Variants in DGKE observed in about 807,000 individuals in gnomAD.
The protein encoded by DGKE is DAG kinase epsilon.
DGKE carries 53 observed loss-of-function variants against 70.0 expected under a neutral mutation model. That is an observed-to-expected ratio of 0.76 (90% confidence interval 0.61 to 0.95). DGKE has a LOEUF of 0.95. Ranked by LOEUF, DGKE falls within the 40% of genes least tolerant of loss-of-function variation. DGKE has a pLI of 0.00. For missense variants in DGKE, 655 were observed against 706.9 expected (o/e 0.93, Z 0.83); for synonymous variants, 291 against 257.0 (o/e 1.13, Z -1.27).
At chr17:56,853,327 C>T (rs910340544) in intron 7 of DGKE, among the ~76,000 whole-genome samples, 1 of 152,114 alleles carries the variant, frequency 6.6e-6, no homozygotes, top group African/African-American at 2.4e-5. Context: ...ACTTTTATTG[C>T]CTATGCTTTT....
chr17:56,859,565 G>A (rs190349166), intron 9 of DGKE, among the ~76,000 whole-genome samples: 17 of 151,180 alleles, frequency 1.1e-4, no homozygotes, highest in African/African-American at 4.1e-4. Flanking sequence ...GATTACAGGC[G>A]CCCACCACTA....
In DGKE at chr17:56,862,843, T is replaced by G. The variant is rs1908377927; in HGVS notation, c.*52T>G. ...TAGAATCCTCACGCAAGTAGATACATGTTCATCCAAAAGTATTAATAGAAA... is the reference window on the plus strand; with the variant it reads ...TAGAATCCTCACGCAAGTAGATACAGGTTCATCCAAAAGTATTAATAGAAA... On this transcript the variant is annotated 3_prime_UTR_variant, in exon 12 of 12. Transcript: ENST00000284061. 7.2e-7 allele frequency: 1 copy of G among 1,380,818 alleles called. No homozygotes were observed. Among genetic ancestry groups the G allele is most frequent in the African/African-American group, 1.5e-5 (1 of 66,900 alleles). 85.5% of individuals were successfully genotyped at this position (1,380,818 alleles called of 1,614,324 possible).
chr17:56,861,850 C>T lies in DGKE; in HGVS notation c.1344C>T (p.Asn448=), dbSNP rs61751971. ...LPSLEGIIVL[N]IGYWGGGCRL... ...GCTTGGAAGGTATTATAGTTCTGAA[C>T]ATCGGATACTGGGGCGGTGGCTGCA... Residue 448 remains asparagine (N), a synonymous_variant, in exon 10 of 12, where the codon AAC becomes AAT. Transcript: ENST00000284061. 247 of 1,613,908 alleles carry T rather than the reference C, an allele frequency of 1.5e-4. 1 individual carries two copies. In the East Asian group the frequency reaches 5.3e-3, roughly 34 times the overall value.
At chr17:56,845,979 T>C (rs567125386) in intron 4 of DGKE, 170 bp downstream of exon 4, 1 of 570,820 alleles carries the variant, frequency 1.8e-6, no homozygotes, top group East Asian at 3.5e-5. Flanking sequence ...GAATATAAAA[T>C]GGTACAACCT....
intron 2 of DGKE, chr17:56,838,838 G>A (rs567047938): frequency 4.6e-5 from 7 of 152,140 alleles, no homozygotes; most frequent in East Asian, 1.9e-4. Flanking sequence ...AAGTATATAC[G>A]TACATTTCAT....
intron 1 of DGKE, 129 bp downstream of exon 1, chr17:56,834,389 C>T: frequency 5.3e-6 from 1 of 188,484 alleles, no homozygotes; most frequent in South Asian, 1.2e-4. Flanking sequence ...AGTGCGAGGC[C>T]TGGGCCGACG....
At position 56,840,655 on chromosome 17, in the gene DGKE, C is replaced by T. The variant is rs560573056; in HGVS notation, c.465-3364C>T. On this transcript the variant is annotated intron_variant, in intron 2 of 11. Coordinates refer to ENST00000284061, the MANE Select transcript of DGKE (RefSeq NM_003647.3). ...TGGCCTCCCAAATCCTGGGATTATA[C>T]GCATGCCCCACTGCGTCCAGCCAAT... Among the ~76,000 whole-genome samples, 6 of 152,290 alleles carry T rather than the reference C, an allele frequency of 3.9e-5. No homozygotes were observed. In the East Asian group the frequency reaches 9.7e-4, roughly 25 times the overall value.
chr17:56,839,273 C>T (rs984452091), intron 2 of DGKE, among the ~76,000 whole-genome samples: 5 of 151,962 alleles, frequency 3.3e-5, no homozygotes, highest in Non-Finnish European at 5.9e-5. Flanking sequence ...TTTTGCTATC[C>T]TTTTGACTTC....
At chr17:56,848,647 C>T (rs372367654) in intron 5 of DGKE, 49 bp from the exon 6 acceptor site, 99 of 1,579,264 alleles carry the variant, frequency 6.3e-5, no homozygotes, top group South Asian at 1.7e-4. Context: ...TATTATTACC[C>T]AGCAAATAGT....
At position 56,867,332 on chromosome 17, in the gene DGKE, G is replaced by A. The variant is rs956045293; in HGVS notation, c.*4541G>A. 6.6e-6 allele frequency: 1 copy of A among 152,234 alleles called. No individual in the cohort carries two copies. The highest frequency in any genetic ancestry group is 2.4e-5 in the African/African-American group (1 of 41,442). The allele number at this position is 152,234 out of a possible 1,614,324, so 9.4% of individuals were successfully genotyped here. A position where few individuals can be genotyped will look rare whatever the true frequency, so the allele number is the denominator to read the frequency against. The stretch of plus-strand genomic sequence containing the variant: ...ATGTGCTGCTGAGGCTGGGCACGGT[G>A]GCTCACACCTGTAATCCCAGCACTT... On this transcript the variant is annotated 3_prime_UTR_variant, in exon 12 of 12. Coordinates refer to ENST00000284061, the MANE Select transcript of DGKE (RefSeq NM_003647.3).
rs771467239 is a variant in DGKE, at chr17:56,862,630, A to T, written c.1543A>T (p.Met515Leu). ...HTVRLILKCS[M>L]MPMQVDGEPW... ...ATATCAGCTGATTTTGAAGTGCTCC[A>T]TGATGCCAATGCAGGTGGATGGGGA... Residue 515 changes from methionine (M) to leucine (L), a missense_variant, in exon 12 of 12, where the codon ATG becomes TTG. Physicochemically the swap from Met to Leu is conservative, Grantham distance 15. Transcript: ENST00000284061. The T allele has an allele frequency of 2.6e-6, 4 of 1,564,070 alleles. No homozygotes were observed. The African/African-American group carries it at 4.2e-5, about 16-fold the overall frequency.
chr17:56,857,458 C>T (rs768271670), intron 8 of DGKE, among the ~76,000 whole-genome samples: 1 of 152,010 alleles, frequency 6.6e-6, no homozygotes, highest in Non-Finnish European at 1.5e-5. Context: ...GGTGATTGAC[C>T]AACAGGATAT....
intron 6 of DGKE, 70 bp from the exon 7 acceptor site, chr17:56,849,111 A>C: frequency 6.8e-7 from 1 of 1,464,598 alleles, no homozygotes; most frequent in Admixed American, 2.1e-5. Flanking sequence ...GAAAACCCTC[A>C]TTTATCCAAA....
At chr17:56,859,956 A>G (rs1908194286) in intron 9 of DGKE, among the ~76,000 whole-genome samples, 1 of 152,254 alleles carries the variant, frequency 6.6e-6, no homozygotes, top group Non-Finnish European at 1.5e-5. Flanking sequence ...CTGGGCTGCC[A>G]TGGCGTAGAA....
At chr17:56,861,223 CCTA>C (rs1044717065) in intron 9 of DGKE, among the ~76,000 whole-genome samples, 10 of 151,600 alleles carry the variant, frequency 6.6e-5, no homozygotes, top group African/African-American at 2.4e-4. Context: ...GGTGAGTTAA[CCTA>C]CTTAACCAGG....
At position 56,862,749 on chromosome 17, in the gene DGKE, C is replaced by A. The variant is rs779320163; in HGVS notation, c.1662C>A (p.Ile554=). 6.3e-7 allele frequency: 1 copy of A among 1,597,732 alleles called. No individual in the cohort carries two copies. The highest frequency in any genetic ancestry group is 8.5e-7 in the Non-Finnish European group (1 of 1,175,492). ...CTGGAGAACAAACAGATGATGACAT[C>A]TCTAGTACTTCGGATCAAGAAGATA... ...YFSGEQTDDD[I]SSTSDQEDIK... is the part of the protein sequence containing the mutation. Residue 554 remains isoleucine (I), a synonymous_variant, in exon 12 of 12, where the codon ATC becomes ATA. Coordinates refer to ENST00000284061, the MANE Select transcript of DGKE (RefSeq NM_003647.3).
intron 2 of DGKE, among the ~76,000 whole-genome samples, chr17:56,841,610 T>G (rs930180861): frequency 6.6e-6 from 1 of 152,190 alleles, no homozygotes; most frequent in East Asian, 1.9e-4. Flanking sequence ...TATTAATAAG[T>G]GTTAGTTATG....
In DGKE at chr17:56,856,613, A is replaced by T; in HGVS notation, c.1200A>T (p.Arg400Ser). 1 of 1,613,392 alleles carries T rather than the reference A, an allele frequency of 6.2e-7. No individual in the cohort carries two copies. Among genetic ancestry groups the T allele is most frequent in the Non-Finnish European group, 8.5e-7 (1 of 1,179,718 alleles). ...AGGCACCATCTCTGTTTTCTAGCAG[A>T]ATTCTTAATAAGGTGTGTTGGATAA... ...REKAPSLFSS[R>S]ILNKAVYLFY... The change falls in exon 8 of 12, where the codon AGA (arginine) becomes AGT (serine). Residue 400 changes from arginine to serine, a missense_variant. Coordinates refer to ENST00000284061, the MANE Select transcript of DGKE (RefSeq NM_003647.3).
chr17:56,845,365 GTT>G (rs1907220857), intron 3 of DGKE, among the ~76,000 whole-genome samples: 1 of 152,168 alleles, frequency 6.6e-6, no homozygotes, highest in South Asian at 2.1e-4. Context: ...TTTCAACTCA[GTT>G]TAAGTCCAAA....
Sources: allele counts gnomAD v4.1 joint callset (sites outside exome capture counted in the v4.1 genomes callset), GRCh38; gene constraint gnomAD v4.1.1; transcripts MANE v1.5; gene names NCBI Gene and HGNC (gene_info 2026-07-23, HGNC 2026-07-21).